PATL2: variants seen among roughly 807,000 people sequenced by gnomAD.
The protein encoded by PATL2 is PAT1 homolog 2, also known as protein PAT1 homolog 2.
In PATL2, 73 loss-of-function variants were observed where a neutral mutation model predicts 77.0. That is an observed-to-expected ratio of 0.95 (90% CI 0.78 to 1.15). PATL2 has a LOEUF of 1.15. Among genes scored for constraint, PATL2 ranks in the 50% most tolerant of loss-of-function variants. PATL2 has a pLI of 0.00. For missense variants in PATL2, 618 were observed against 655.4 expected (o/e 0.94, Z 0.62); for synonymous variants, 265 against 257.1 (o/e 1.03, Z -0.29).
intron 3 of PATL2, among the ~76,000 whole-genome samples, chr15:44,681,037 T>C (rs539165784): frequency 6.6e-6 from 1 of 152,264 alleles, no homozygotes; most frequent in African/African-American, 2.4e-5. Context: ...TCTTTCTTTC[T>C]TTTTAGTTTT....
At chr15:44,696,272 G>A (rs2086500553) in intron 3 of PATL2, among the ~76,000 whole-genome samples, 1 of 152,112 alleles carries the variant, frequency 6.6e-6, no homozygotes, top group South Asian at 2.1e-4. Context: ...TTCTGGGTCT[G>A]TCCTACTACT....
chr15:44,681,810 T>A (rs1312190362), intron 3 of PATL2, among the ~76,000 whole-genome samples: 2 of 152,220 alleles, frequency 1.3e-5, no homozygotes, highest in Admixed American at 6.5e-5. Flanking sequence ...GTGTTTCTCA[T>A]GTCCCATTCT....
chr15:44,707,426 G>C lies in PATL2; in HGVS notation c.-76+2670C>G, dbSNP rs2086762929. 2.6e-5 allele frequency among the ~76,000 whole-genome samples: 4 copies of C among 152,056 alleles called. No homozygotes were observed. The South Asian group carries it at 6.2e-4, about 24-fold the overall frequency. Reference sequence around the variant, plus strand: ...TACTTCTGATTATTCAGGGCCAAAGGGCTCTTTAGTCAGCTGGTGAGGAAT... The same window carrying C: ...TACTTCTGATTATTCAGGGCCAAAGCGCTCTTTAGTCAGCTGGTGAGGAAT... On this transcript the variant is annotated intron_variant, in intron 3 of 17. Transcript: ENST00000682850.
chr15:44,669,509 CCTT>C lies in PATL2; in HGVS notation c.928_930del (p.Lys310del). On this transcript the variant is annotated inframe_deletion and splice_region_variant, in exon 12 of 18. Coordinates refer to ENST00000682850, the MANE Select transcript of PATL2 (RefSeq NM_001387263.1). Reference sequence around the variant, plus strand: ...TCGTCCCTAAGGAACTGATATCTCACCTTCTCAATCCGGTATAATACCCGAAGC... The same window carrying C: ...TCGTCCCTAAGGAACTGATATCTCACCTCAATCCGGTATAATACCCGAAGC... The C allele has an allele frequency of 2.6e-6, 4 of 1,551,228 alleles. No homozygotes were observed. The highest frequency in any genetic ancestry group is 2.6e-6 in the Non-Finnish European group (3 of 1,146,758).
intron 3 of PATL2, among the ~76,000 whole-genome samples, chr15:44,683,568 G>T (rs183416399): frequency 6.6e-6 from 1 of 152,344 alleles, no homozygotes; most frequent in Non-Finnish European, 1.5e-5. Context: ...GGGTATCTCT[G>T]AAAGAAAGGC....
At chr15:44,668,208 T>C (rs2085479511) in intron 15 of PATL2, 134 bp downstream of exon 15, 1 of 1,148,472 alleles carries the variant, frequency 8.7e-7, no homozygotes, top group Non-Finnish European at 1.2e-6. Flanking sequence ...CAGGTGATCA[T>C]GTGCTTACTA....
intron 9 of PATL2, among the ~76,000 whole-genome samples, chr15:44,671,211 C>T (rs890667527): frequency 3.3e-5 from 5 of 152,112 alleles, no homozygotes; most frequent in South Asian, 2.1e-4. Context: ...AACAGCCAGC[C>T]GGGCGCGGTT....
chr15:44,682,718 T>C (rs2086161270), intron 3 of PATL2, among the ~76,000 whole-genome samples: 1 of 152,214 alleles, frequency 6.6e-6, no homozygotes, highest in Non-Finnish European at 1.5e-5. Flanking sequence ...TAAACTTCTA[T>C]ATTGAAGACA....
rs1434543606 is a variant in PATL2, at chr15:44,674,234, G to A, written c.223-4C>T. 14 of 1,539,668 alleles carry A rather than the reference G, an allele frequency of 9.1e-6. No homozygotes were observed. In the East Asian group the frequency reaches 2.7e-4, roughly 30 times the overall value. ...CAGGGGAGCTAAGCAGAGCTCTCTG[G>A]AACAGGAGGGAGGAAAAACCAGGCT... On this transcript the variant is annotated splice_region_variant and splice_polypyrimidine_tract_variant and intron_variant, in intron 5 of 17. Coordinates refer to ENST00000682850, the MANE Select transcript of PATL2 (RefSeq NM_001387263.1).
intron 3 of PATL2, among the ~76,000 whole-genome samples, chr15:44,700,826 G>T (rs893912861): frequency 6.6e-6 from 1 of 152,018 alleles, no homozygotes; most frequent in Non-Finnish European, 1.5e-5. Context: ...GGTGGAAGTG[G>T]GCATCTTTGT....
chr15:44,710,826 T>C (rs933296058), intron 2 of PATL2, among the ~76,000 whole-genome samples, 45 bp downstream of exon 2: 5 of 150,176 alleles, frequency 3.3e-5, no homozygotes, highest in African/African-American at 2.5e-5. Flanking sequence ...GTCGTTTTTT[T>C]CTCCCCCCCG....
chr15:44,666,693 C>A, intron 16 of PATL2, 152 bp from the exon 17 acceptor site: 1 of 746,358 alleles, frequency 1.3e-6, no homozygotes, highest in Non-Finnish European at 2.1e-6. Context: ...TGGTACGTGC[C>A]AAGCAATGCT....
In PATL2 at chr15:44,676,518, AGCC is replaced by A; in HGVS notation, c.-31_-29del. On this transcript the variant is annotated 5_prime_UTR_variant, in exon 4 of 18. Transcript: ENST00000682850. ...TGGCAGGCTGGTGGACTTCCTTCTT[AGCC>A]GTGTCCTCCAGTGAAACAGCATTGC... is the stretch of plus-strand genomic sequence containing the variant. The A allele has an allele frequency of 6.4e-7, 1 of 1,551,410 alleles. No individual in the cohort carries two copies. Among genetic ancestry groups the A allele is most frequent in the Non-Finnish European group, 8.7e-7 (1 of 1,146,826 alleles).
In PATL2 at chr15:44,669,069, G is replaced by A. The variant is rs764898291; in HGVS notation, c.1135C>T (p.Pro379Ser). Reference protein sequence around the residue: ...KGKALVARLLPFLPQDQAVTI... With the variant: ...KGKALVARLLSFLPQDQAVTI... ...ACAGCCTGATCCTGGGGCAGGAAGG[G>A]GAGCAGCCGGGCCACCAGGGCCTTC... is the stretch of plus-strand genomic sequence containing the variant. The change falls in exon 14 of 18, where the codon CCC (proline) becomes TCC (serine). Residue 379 changes from proline (P) to serine (S), a missense_variant. Coordinates refer to ENST00000682850, the MANE Select transcript of PATL2 (RefSeq NM_001387263.1). The A allele has an allele frequency of 1.2e-5, 19 of 1,551,126 alleles. No homozygotes were observed. Among genetic ancestry groups the A allele is most frequent in the Non-Finnish European group, 1.6e-5 (18 of 1,146,770 alleles).
At chr15:44,671,169 T>A (rs960970774) in intron 9 of PATL2, among the ~76,000 whole-genome samples, 1 of 152,052 alleles carries the variant, frequency 6.6e-6, no homozygotes, top group African/African-American at 2.4e-5. Context: ...GGGCACTGGA[T>A]GGGAGGCTCC....
chr15:44,685,934 C>T (rs1320008757), intron 3 of PATL2, among the ~76,000 whole-genome samples: 2 of 152,192 alleles, frequency 1.3e-5, no homozygotes, highest in African/African-American at 2.4e-5. Flanking sequence ...TACAAAGAGA[C>T]TTAGACTCCC....
Position 44,670,033 on chromosome 15 carries a change from T to C in PATL2, c.712A>G (p.Arg238Gly). The C allele has an allele frequency of 2.6e-6, 4 of 1,551,164 alleles. No individual in the cohort carries two copies. Among genetic ancestry groups the C allele is most frequent in the Non-Finnish European group, 1.7e-6 (2 of 1,146,830 alleles). The change falls in exon 10 of 18, where the codon AGA becomes GGA. Residue 238 changes from arginine (R) to glycine (G), a missense_variant. Coordinates refer to ENST00000682850, the MANE Select transcript of PATL2 (RefSeq NM_001387263.1). ...AGCTTGAGGGACTCAACCCGGTTTC[T>C]TCGTCCAAGTAGCTCTTCGTCTGCC... ...KQADEELLGR[R>G]NRVESLKLVT...
intron 3 of PATL2, among the ~76,000 whole-genome samples, chr15:44,705,808 A>ATTTTTTTTTTTTT (rs1555390143): frequency 3.5e-5 from 2 of 56,568 alleles, no homozygotes; most frequent in Non-Finnish European, 3.1e-5. Flanking sequence ...TCCTCAAAAC[A>ATTTTTTTTTTTTT]TTGTTTTTTT....
intron 3 of PATL2, among the ~76,000 whole-genome samples, chr15:44,690,342 T>A (rs201731431): frequency 0.092 from 13,559 of 148,062 alleles, 1,010 homozygotes; most frequent in African/African-American, 0.19. Flanking sequence ...GTCAAAATAT[T>A]TTTTTTTTTT....
Sources: gnomAD v4.1 joint callset for allele counts (sites outside exome capture counted in the v4.1 genomes callset) on GRCh38, gnomAD v4.1.1 for gene constraint, MANE v1.5 for transcripts, NCBI Gene and HGNC (gene_info 2026-07-23, HGNC 2026-07-21) for gene names.